Variants in FHIT observed in about 807,000 individuals in gnomAD.
The protein encoded by FHIT is bis(5'-adenosyl)-triphosphatase.
A neutral mutation model predicts 17.9 loss-of-function variants in FHIT; 19 were observed. The observed-to-expected ratio is 1.06, with a 90% CI of 0.74 to 1.56. The LOEUF is 1.56. Among genes scored for constraint, FHIT ranks in the 40% most tolerant of loss-of-function variants. FHIT has a pLI of 0.00. For missense variants in FHIT, 248 were observed against 189.2 expected, an observed-to-expected ratio of 1.31 and a Z score of -1.82; for synonymous variants, 81 against 69.7, an observed-to-expected ratio of 1.16 and a Z score of -0.81.
intron 3 of FHIT, among the ~76,000 whole-genome samples, chr3:60,974,404 G>A (rs941006221): frequency 1.3e-5 from 2 of 152,150 alleles, no homozygotes; most frequent in African/African-American, 4.8e-5. Flanking sequence ...TTGAGACTCA[G>A]TACTTGGATT....
At chr3:59,751,783 C>T (rs77620415) in intron 9 of FHIT, 3,786 of 236,208 alleles carry the variant, frequency 0.016, 148 homozygotes, top group African/African-American at 0.075. Flanking sequence ...GGAGTTTGCC[C>T]GGGGGCGTGT....
At chr3:60,498,846 TAAA>T (rs1036177100) in intron 5 of FHIT, among the ~76,000 whole-genome samples, 35 of 151,200 alleles carry the variant, frequency 2.3e-4, no homozygotes, top group African/African-American at 6.5e-4. Flanking sequence ...AAAAAAAAAA[TAAA>T]AGTGGTTAAA....
intron 5 of FHIT, among the ~76,000 whole-genome samples, chr3:60,250,518 C>T (rs1303470989): frequency 2.6e-5 from 4 of 152,114 alleles, no homozygotes; most frequent in African/African-American, 9.7e-5. Flanking sequence ...AGTAAAGCTT[C>T]CTAAGAAACA....
intron 8 of FHIT, among the ~76,000 whole-genome samples, chr3:59,867,976 G>A (rs1010752319): frequency 5.9e-5 from 8 of 134,790 alleles, no homozygotes; most frequent in African/African-American, 1.7e-4. Flanking sequence ...AAAACCCAAC[G>A]TTTTACTCTT....
At chr3:60,433,224 T>C (rs2029888015) in intron 5 of FHIT, among the ~76,000 whole-genome samples, 1 of 152,142 alleles carries the variant, frequency 6.6e-6, no homozygotes, top group South Asian at 2.1e-4. Context: ...CAGGTTCATC[T>C]ACATTATCTC....
chr3:60,166,568 T>C (rs1437917057), intron 5 of FHIT, among the ~76,000 whole-genome samples: 4 of 152,166 alleles, frequency 2.6e-5, no homozygotes, highest in Admixed American at 2.6e-4. Flanking sequence ...AGTGGAAAGA[T>C]GAAGGAATTC....
At chr3:61,208,540 A>G (rs970948458) in intron 1 of FHIT, among the ~76,000 whole-genome samples, 2 of 151,986 alleles carry the variant, frequency 1.3e-5, no homozygotes, top group African/African-American at 2.4e-5. Flanking sequence ...AGCTCTTCTC[A>G]TTGAATTGAT....
At chr3:60,146,023 C>T (rs1031101226) in intron 5 of FHIT, among the ~76,000 whole-genome samples, 1 of 152,034 alleles carries the variant, frequency 6.6e-6, no homozygotes, top group Non-Finnish European at 1.5e-5. Flanking sequence ...TTGGTTTCCT[C>T]ATATTTTCTA....
At chr3:60,722,904 A>T (rs1356269773) in intron 4 of FHIT, among the ~76,000 whole-genome samples, 2 of 151,910 alleles carry the variant, frequency 1.3e-5, no homozygotes, top group African/African-American at 4.8e-5. Flanking sequence ...TTGTAGTTTT[A>T]GTAGAGACTG....
chr3:60,949,706 G>A (rs1708795485), intron 3 of FHIT, among the ~76,000 whole-genome samples: 1 of 152,056 alleles, frequency 6.6e-6, no homozygotes, highest in Non-Finnish European at 1.5e-5. Flanking sequence ...CCGGTCTCTG[G>A]TTAAAGTGGG....
intron 8 of FHIT, among the ~76,000 whole-genome samples, chr3:59,843,011 A>C (rs1194148444): frequency 6.6e-6 from 1 of 152,092 alleles, no homozygotes; most frequent in Admixed American, 6.6e-5. Flanking sequence ...TTTGCTCTAA[A>C]TTTTATTCTA....
At chr3:60,847,090 C>G (rs1282354993) in intron 3 of FHIT, among the ~76,000 whole-genome samples, 1 of 152,150 alleles carries the variant, frequency 6.6e-6, no homozygotes, top group Non-Finnish European at 1.5e-5. Context: ...TCCCAAAGTG[C>G]CAGGATTAAA....
intron 5 of FHIT, among the ~76,000 whole-genome samples, chr3:60,029,474 G>A (rs1335328970): frequency 6.6e-6 from 1 of 152,148 alleles, no homozygotes; most frequent in African/African-American, 2.4e-5. Context: ...CAAGGACTGT[G>A]ACTTTAAAAA....
intron 4 of FHIT, among the ~76,000 whole-genome samples, chr3:60,714,346 C>T (rs373084930): frequency 5.7e-4 from 86 of 151,994 alleles, no homozygotes; most frequent in South Asian, 1.5e-3. Flanking sequence ...GGGCAAAAAC[C>T]GGAAGCATTC....
At chr3:61,135,658 A>G (rs1443568417) in intron 2 of FHIT, among the ~76,000 whole-genome samples, 1 of 152,176 alleles carries the variant, frequency 6.6e-6, no homozygotes, top group Admixed American at 6.5e-5. Flanking sequence ...TGGTTTTACT[A>G]GAGAATTTAG....
chr3:60,008,636 C>T (rs549359792), intron 7 of FHIT, among the ~76,000 whole-genome samples: 1 of 152,152 alleles, frequency 6.6e-6, no homozygotes, highest in African/African-American at 2.4e-5. Flanking sequence ...AGGGATCAGG[C>T]AGAATCTCAA....
At chr3:60,811,679 A>C (rs1188939554) in intron 4 of FHIT, among the ~76,000 whole-genome samples, 3 of 152,140 alleles carry the variant, frequency 2.0e-5, no homozygotes, top group Admixed American at 6.6e-5. Context: ...ATAACATGGA[A>C]ATGACATAGA....
At chr3:60,665,858 C>A (rs1440863412) in intron 4 of FHIT, among the ~76,000 whole-genome samples, 2 of 152,046 alleles carry the variant, frequency 1.3e-5, no homozygotes, top group African/African-American at 4.8e-5. Context: ...CTCTGTTTCT[C>A]TTTTCTTGCC....
chr3:59,764,928 C>A (rs1274348247), intron 8 of FHIT, among the ~76,000 whole-genome samples: 1 of 143,354 alleles, frequency 7.0e-6, no homozygotes, highest in Admixed American at 7.1e-5. Context: ...ACAGCTTTGG[C>A]ACAGTGAAAA....
Sources: allele counts gnomAD v4.1 joint callset (sites outside exome capture counted in the v4.1 genomes callset), GRCh38; gene constraint gnomAD v4.1.1; transcripts MANE v1.5; gene names NCBI Gene and HGNC (gene_info 2026-07-23, HGNC 2026-07-21).